The following ZNF622 variants were observed in gnomAD, a reference collection of about 807,000 sequenced individuals.
ZNF622 encodes the protein zinc finger protein 622.
ZNF622 carries 34 observed loss-of-function variants against 49.7 expected under a neutral mutation model. The ratio of observed to expected loss-of-function variants is 0.68; its 90% CI spans 0.52 to 0.91. ZNF622 has a LOEUF of 0.91. Ranked by LOEUF, ZNF622 falls within the 40% of genes least tolerant of loss-of-function variation. ZNF622 has a pLI of 0.00. For synonymous variants in ZNF622, 209 were observed against 228.7 expected (o/e 0.91, Z 0.78); for missense variants, 569 against 616.4 (o/e 0.92, Z 0.81).
chr5:16,453,724 T>A (rs26377), intron 4 of ZNF622, among the ~76,000 whole-genome samples: 45,316 of 151,204 alleles, frequency 0.3, 7,000 homozygotes, highest in East Asian at 0.46. Context: ...GATTCTCCAA[T>A]GGGGATTTTA....
At chr5:16,464,185 T>C (rs372999669) in intron 1 of ZNF622, among the ~76,000 whole-genome samples, 3 of 148,862 alleles carry the variant, frequency 2.0e-5, no homozygotes, top group African/African-American at 7.3e-5. Context: ...AATTCAAATG[T>C]TGAAACTTAA....
Position 16,463,814 on chromosome 5 carries a change from G to T in ZNF622, c.626-72C>A. The stretch of plus-strand genomic sequence containing the variant: ...AAGCAAAGATATCACAAAAATTCAC[G>T]AGGTGATACAGTCCTATATTTGGAG... On this transcript the variant is annotated intron_variant, in intron 1 of 5. Transcript: ENST00000308683. This position sits in a 1 kb window ranked among gnomAD's most constrained non-coding sequence, Gnocchi z 4.2. 6.6e-7 allele frequency: 1 copy of T among 1,518,710 alleles called. No individual in the cohort carries two copies. The allele number at this position is 1,518,710 out of a possible 1,614,324, so 94.1% of individuals were successfully genotyped here.
At chr5:16,461,472 G>A (rs765123639) in intron 3 of ZNF622, among the ~76,000 whole-genome samples, 2 of 152,232 alleles carry the variant, frequency 1.3e-5, no homozygotes, top group African/African-American at 2.4e-5. Context: ...AGGAAGTCAG[G>A]CGAAAGATGA....
chr5:16,464,913 C>T, intron 1 of ZNF622, 128 bp downstream of exon 1: 1 of 1,344,384 alleles, frequency 7.4e-7, no homozygotes, highest in Non-Finnish European at 1.0e-6. Context: ...GCGTCTAAAC[C>T]ACCTTCCCTC....
At chr5:16,453,559 TTATATA>T (rs58965299) in intron 4 of ZNF622, among the ~76,000 whole-genome samples, 143 of 67,158 alleles carry the variant, frequency 2.1e-3, no homozygotes, top group Middle Eastern at 0.023. Context: ...TAAATAAAAA[TTATATA>T]TATATATATA....
At position 16,465,393 on chromosome 5, in the gene ZNF622, G is replaced by C. The variant is rs750421503; in HGVS notation, c.273C>G (p.His91Gln). 1.2e-6 allele frequency: 2 copies of C among 1,614,238 alleles called. No homozygotes were observed. The highest frequency in any genetic ancestry group is 1.3e-5 in the African/African-American group (1 of 75,064). Reference sequence around the variant, plus strand: ...GCACGGCCTTCTTCTCCAGCTCAACGTGACGCCGGGACTTGAGGTGGTTCT... The same window carrying C: ...GCACGGCCTTCTTCTCCAGCTCAACCTGACGCCGGGACTTGAGGTGGTTCT... ...AYENHLKSRR[H>Q]VELEKKAVQA... The change falls in exon 1 of 6, where the codon CAC becomes CAG. Residue 91 changes from histidine (H) to glutamine (Q), a missense_variant. His to Gln is a conservative substitution (Grantham distance 24). Coordinates refer to ENST00000308683, the MANE Select transcript of ZNF622 (RefSeq NM_033414.3). The surrounding 1 kb of genome is among the most constrained non-coding windows in gnomAD (Gnocchi z 6.2).
In ZNF622 at chr5:16,461,410, T is replaced by A. The variant is rs867969173; in HGVS notation, c.1049+1698A>T. On this transcript the variant is annotated intron_variant, in intron 3 of 5. Transcript: ENST00000308683. ...TAGTTACAGTTTTGAGAATAGAACA[T>A]AGTGGGTAGTAAGGATGTAAATATG... Among the ~76,000 whole-genome samples the A allele has an allele frequency of 1.7e-4, 26 of 152,226 alleles. 1 individual carries two copies. The highest frequency in any genetic ancestry group is 6.8e-3 in the Middle Eastern group (2 of 294).
chr5:16,458,687 C>A lies in ZNF622; in HGVS notation c.1050-58G>T, dbSNP rs553451925. On this transcript the variant is annotated intron_variant, in intron 3 of 5. Coordinates refer to ENST00000308683, the MANE Select transcript of ZNF622 (RefSeq NM_033414.3). The stretch of plus-strand genomic sequence containing the variant: ...TAATATCTCAAATTGAACTAAAAGA[C>A]ATAAACTCATTTGCAAATGTGGCAA... 4 of 1,287,004 alleles carry A rather than the reference C, an allele frequency of 3.1e-6. No individual in the cohort carries two copies. In the South Asian group the frequency reaches 5.4e-5, roughly 17 times the overall value. The allele number at this position is 1,287,004 out of a possible 1,614,324, so 79.7% of individuals were successfully genotyped here.
chr5:16,465,337 T>C lies in ZNF622; in HGVS notation c.329A>G (p.Asn110Ser). The change falls in exon 1 of 6, where the codon AAT becomes AGT. Residue 110 changes from asparagine to serine, a missense_variant. By Grantham distance (46) the Asn-to-Ser change is conservative. Transcript: ENST00000308683. The surrounding 1 kb of genome is among the most constrained non-coding windows in gnomAD (Gnocchi z 6.2). Reference protein sequence around the residue: ...QAVNRKVEMMNEKNLEKGLGV... With the variant: ...QAVNRKVEMMSEKNLEKGLGV... ...CAGTCCTTTCTCCAAGTTCTTTTCA[T>C]TCATCATCTCCACTTTCCGATTCAC... is the stretch of plus-strand genomic sequence containing the variant. The C allele has an allele frequency of 1.2e-6, 2 of 1,614,162 alleles. No homozygotes were observed. Among genetic ancestry groups the C allele is most frequent in the East Asian group, 2.2e-5 (1 of 44,902 alleles).
Position 16,463,686 on chromosome 5 carries a change from C to A in ZNF622, c.682G>T (p.Asp228Tyr). 6.2e-7 allele frequency: 1 copy of A among 1,614,234 alleles called. No homozygotes were observed. The highest frequency in any genetic ancestry group is 1.1e-5 in the South Asian group (1 of 91,092). ...TCTGCATCCTGCTCCACCACATCGT[C>A]CATTGCTTCAGTATCCTCACATTCC... ...ELECEDTEAMDDVVEQDAEEE... is the reference protein window; with the variant it reads ...ELECEDTEAMYDVVEQDAEEE... Residue 228 changes from aspartate to tyrosine, a missense_variant, in exon 2 of 6, where the codon GAC becomes TAC. By Grantham distance (160) the Asp-to-Tyr change is radical. Coordinates refer to ENST00000308683, the MANE Select transcript of ZNF622 (RefSeq NM_033414.3). This position sits in a 1 kb window ranked among gnomAD's most constrained non-coding sequence, Gnocchi z 4.2.
rs747889479 is a variant in ZNF622, at chr5:16,458,540, G to C, written c.1139C>G (p.Thr380Ser). Residue 380 changes from threonine (T) to serine (S), a missense_variant, in exon 4 of 6, where the codon ACC becomes AGC. Transcript: ENST00000308683. ...ACCAGAAGGCAGAATCAATTCCATG[G>C]TTTCATCATCATATTCCAAGTTCTT... is the stretch of plus-strand genomic sequence containing the variant. Reference protein sequence around the residue: ...SEKNLEYDDETMELILPSGAR... With the variant: ...SEKNLEYDDESMELILPSGAR... The C allele has an allele frequency of 6.2e-7, 1 of 1,613,412 alleles. No homozygotes were observed. Among genetic ancestry groups the C allele is most frequent in the Admixed American group, 1.7e-5 (1 of 59,948 alleles).
At chr5:16,454,144 T>C (rs1737982662) in intron 4 of ZNF622, among the ~76,000 whole-genome samples, 1 of 152,020 alleles carries the variant, frequency 6.6e-6, no homozygotes, top group Non-Finnish European at 1.5e-5. Flanking sequence ...CACTAACTTG[T>C]AACAGAGTGA....
rs770285149 is a variant in ZNF622 at position 16,465,089 on chromosome 5, GCTTTGCCAACTT to G, written c.565_576del (p.Lys189_Lys192del). 1.6e-5 allele frequency: 26 copies of G among 1,611,440 alleles called. No individual in the cohort carries two copies. The highest frequency in any genetic ancestry group is 2.2e-5 in the Non-Finnish European group (26 of 1,178,412). ...TCCTCCTCGCTGTCCTCCTCCTGCT[GCTTTGCCAACTT>G]CTTCGCCTGCTGTTCAAACCACTGG... On this transcript the variant is annotated inframe_deletion, in exon 1 of 6. Coordinates refer to ENST00000308683, the MANE Select transcript of ZNF622 (RefSeq NM_033414.3). The surrounding 1 kb of genome is among the most constrained non-coding windows in gnomAD (Gnocchi z 6.2).
Position 16,453,029 on chromosome 5 carries a change from TC to T in ZNF622, c.1289del (p.Gly430AspfsTer22). 6.6e-7 allele frequency: 1 copy of T among 1,508,236 alleles called. No individual in the cohort carries two copies. The allele number at this position is 1,508,236 out of a possible 1,614,324, so 93.4% of individuals were successfully genotyped here. The part of the protein sequence containing the change: ...GRVLQQYRAL[G>X]WTGSTGAALM... ...TCAATGTACCTGTGCTGCCAGTCCATCCCAGGGCTCTGTACTGCTGAAGTAC... is the reference window on the plus strand; with the variant it reads ...TCAATGTACCTGTGCTGCCAGTCCATCCAGGGCTCTGTACTGCTGAAGTAC... On this transcript the variant is annotated frameshift_variant, in exon 5 of 6. Transcript: ENST00000308683. LOFTEE classifies it high-confidence loss of function.
At chr5:16,453,559 T>TTATATATATATA (rs58965299) in intron 4 of ZNF622, among the ~76,000 whole-genome samples, 13 of 67,166 alleles carry the variant, frequency 1.9e-4, no homozygotes, top group Admixed American at 3.6e-4. Flanking sequence ...TAAATAAAAA[T>TTATATATATATA]TATATATATA....
In ZNF622 at chr5:16,463,260, A is replaced by C. The variant is rs1337584053; in HGVS notation, c.897T>G (p.Val299=). The stretch of plus-strand genomic sequence containing the variant: ...ACCACAAGCAAATCTTGCCAACACC[A>C]ACTTTCTCTCCTAGAAAAATAATTT... ...KGLIKYLGEK[V]GVGKICLWCN... Residue 299 remains valine (V), a synonymous_variant, in exon 3 of 6, where the codon GTT becomes GTG. Coordinates refer to ENST00000308683, the MANE Select transcript of ZNF622 (RefSeq NM_033414.3). This position sits in a 1 kb window ranked among gnomAD's most constrained non-coding sequence, Gnocchi z 4.2. 2 of 1,596,426 alleles carry C rather than the reference A, an allele frequency of 1.3e-6. No individual in the cohort carries two copies. Among genetic ancestry groups the C allele is most frequent in the Admixed American group, 1.8e-5 (1 of 54,518 alleles).
chr5:16,453,872 A>G (rs1356451903), intron 4 of ZNF622, among the ~76,000 whole-genome samples: 3 of 152,072 alleles, frequency 2.0e-5, no homozygotes, highest in African/African-American at 7.2e-5. Flanking sequence ...CCCATAACAA[A>G]GAATTATTCA....
At position 16,465,216 on chromosome 5, in the gene ZNF622, C is replaced by A. The variant is rs746520938; in HGVS notation, c.450G>T (p.Ala150=). The A allele has an allele frequency of 5.0e-6, 8 of 1,614,166 alleles. No homozygotes were observed. The highest frequency in any genetic ancestry group is 6.8e-6 in the Non-Finnish European group (8 of 1,180,022). Residue 150 remains alanine (A), a synonymous_variant, in exon 1 of 6, where the codon GCG becomes GCT. Transcript: ENST00000308683. This position sits in a 1 kb window ranked among gnomAD's most constrained non-coding sequence, Gnocchi z 6.2. ...PSMSPKKAPP[A]PAKEARNVVA... is the part of the protein sequence containing the mutation. ...CGACATTCCTGGCCTCCTTTGCAGG[C>A]GCTGGGGGCGCCTTCTTGGGAGACA... is the stretch of plus-strand genomic sequence containing the variant.
At position 16,465,485 on chromosome 5, in the gene ZNF622, C is replaced by G. The variant is rs1738204422; in HGVS notation, c.181G>C (p.Glu61Gln). ...VRAQRAVAEEESKGSATYCTV... is the reference protein window; with the variant it reads ...VRAQRAVAEEQSKGSATYCTV... ...CAGTAGGTGGCCGAGCCCTTGCTCT[C>G]CTCCTCCGCGACGGCCCGCTGCGCC... Residue 61 changes from glutamate to glutamine, a missense_variant, in exon 1 of 6, where the codon GAG becomes CAG. Physicochemically the swap from Glu to Gln is conservative, Grantham distance 29. Transcript: ENST00000308683. This position sits in a 1 kb window ranked among gnomAD's most constrained non-coding sequence, Gnocchi z 6.2. 1.2e-6 allele frequency: 2 copies of G among 1,614,242 alleles called. No individual in the cohort carries two copies. Among genetic ancestry groups the G allele is most frequent in the African/African-American group, 2.7e-5 (2 of 75,084 alleles).
Sources: gnomAD v4.1 joint callset for allele counts (sites outside exome capture counted in the v4.1 genomes callset) on GRCh38, gnomAD v4.1.1 for gene constraint, Gnocchi (gnomAD v3.1) non-coding constraint, MANE v1.5 for transcripts, NCBI Gene and HGNC (gene_info 2026-07-23, HGNC 2026-07-21) for gene names.